Variants in NELL2 observed in about 807,000 individuals in gnomAD.
The protein encoded by NELL2 is protein kinase C-binding protein NELL2.
NELL2 carries 41 observed loss-of-function variants against 109.6 expected under a neutral mutation model. That is an observed-to-expected ratio of 0.37 (90% CI 0.29 to 0.49). The LOEUF is 0.49. NELL2 is among the 20% of genes least tolerant of loss of function. NELL2 has a pLI of 0.98. For missense variants in NELL2, 900 were observed against 1,008.3 expected, an observed-to-expected ratio of 0.89 and a Z score of 1.45; for synonymous variants, 355 against 344.7, an observed-to-expected ratio of 1.03 and a Z score of -0.33.
intron 13 of NELL2, among the ~76,000 whole-genome samples, chr12:44,644,824 T>C (rs1947032494): frequency 1.3e-5 from 2 of 151,454 alleles, no homozygotes; most frequent in African/African-American, 4.8e-5. Flanking sequence ...TGTCCACTGA[T>C]GAACAAAGCA....
rs11182581 is a variant in NELL2 at position 44,627,385 on chromosome 12, G to A, written c.1445-16415C>T. 5.6e-3 allele frequency among the ~76,000 whole-genome samples: 838 copies of A among 150,740 alleles called. 8 individuals carry two copies. Among genetic ancestry groups the A allele is most frequent in the African/African-American group, 0.02 (799 of 40,636 alleles). On this transcript the variant is annotated intron_variant, in intron 13 of 19. Transcript: ENST00000429094. ...TTGAATCAAGAATCTATTCTCATTG[G>A]TTATAAAGAGGCACAGAATACTTCA...
chr12:44,759,841 G>T (rs1941047947), intron 9 of NELL2, among the ~76,000 whole-genome samples: 1 of 152,130 alleles, frequency 6.6e-6, no homozygotes, highest in African/African-American at 2.4e-5. Context: ...ATGTATGCTT[G>T]CTGTAGGAAG....
At chr12:44,886,127 G>A (rs1319542867) in intron 1 of NELL2, among the ~76,000 whole-genome samples, 4 of 148,242 alleles carry the variant, frequency 2.7e-5, no homozygotes, top group Admixed American at 7.6e-5. Flanking sequence ...AAGGAAGGAA[G>A]GAAGGAAGGA....
At chr12:44,828,626 T>C (rs1316310184) in intron 2 of NELL2, among the ~76,000 whole-genome samples, 1 of 152,140 alleles carries the variant, frequency 6.6e-6, no homozygotes, top group Non-Finnish European at 1.5e-5. Flanking sequence ...AATAGCAGGT[T>C]CTATTCCCAG....
intron 11 of NELL2, among the ~76,000 whole-genome samples, chr12:44,704,087 G>C (rs1328859717): frequency 3.3e-5 from 5 of 151,868 alleles, no homozygotes; most frequent in Non-Finnish European, 7.4e-5. Context: ...TGTGGTTTTT[G>C]ACTTTATAAA....
Position 44,775,126 on chromosome 12 carries a change from C to T in NELL2, c.892-277G>A, listed in dbSNP as rs192100438. ...TTATTGACTTCACTATACCACATTC[C>T]GTCTTCTACTCAATTTAACCTTTGC... is the stretch of plus-strand genomic sequence containing the variant. On this transcript the variant is annotated intron_variant, in intron 8 of 19. Coordinates refer to ENST00000429094, the MANE Select transcript of NELL2 (RefSeq NM_001145108.2). 5.0e-4 allele frequency among the ~76,000 whole-genome samples: 75 copies of T among 149,896 alleles called. 1 individual carries two copies. Among genetic ancestry groups the T allele is most frequent in the East Asian group, 7.7e-4 (4 of 5,170 alleles).
chr12:44,758,546 A>G (rs1212048430), intron 9 of NELL2, among the ~76,000 whole-genome samples: 1 of 152,224 alleles, frequency 6.6e-6, no homozygotes, highest in Non-Finnish European at 1.5e-5. Flanking sequence ...TCCATGAAAG[A>G]GGGGTCAAAA....
chr12:44,896,813 G>C (rs1011765083), intron 1 of NELL2, among the ~76,000 whole-genome samples: 6 of 152,138 alleles, frequency 3.9e-5, no homozygotes, highest in Non-Finnish European at 7.3e-5. Flanking sequence ...TTTTCTCCCT[G>C]TCTAAAGAAT....
intron 15 of NELL2, among the ~76,000 whole-genome samples, chr12:44,534,076 T>G (rs1424825788): frequency 6.6e-6 from 1 of 152,102 alleles, no homozygotes; most frequent in Non-Finnish European, 1.5e-5. Context: ...GTTGACAGAA[T>G]CTACTTCCTC....
chr12:44,869,031 A>G (rs181690024), intron 2 of NELL2, among the ~76,000 whole-genome samples: 1 of 152,338 alleles, frequency 6.6e-6, no homozygotes, highest in African/African-American at 2.4e-5. Flanking sequence ...ATTTTAAGTA[A>G]CAAAACATAA....
chr12:44,541,575 T>C (rs1301746994), intron 15 of NELL2, among the ~76,000 whole-genome samples: 2 of 152,074 alleles, frequency 1.3e-5, no homozygotes, highest in Non-Finnish European at 1.5e-5. Context: ...ACCCAAAATC[T>C]TCAGCTTCTG....
chr12:44,793,156 T>C (rs533277275), intron 3 of NELL2, among the ~76,000 whole-genome samples: 1 of 152,256 alleles, frequency 6.6e-6, no homozygotes, highest in Admixed American at 6.5e-5. Flanking sequence ...CGTACATATA[T>C]AACATATGTA....
chr12:44,774,525 G>A, intron 9 of NELL2: 1 of 516,502 alleles, frequency 1.9e-6, no homozygotes, highest in East Asian at 3.4e-5. Context: ...TCACTATATG[G>A]AATAGATTAC....
At chr12:44,591,914 A>T (rs914195380) in intron 15 of NELL2, among the ~76,000 whole-genome samples, 39 of 152,180 alleles carry the variant, frequency 2.6e-4, no homozygotes, top group Admixed American at 4.6e-4. Flanking sequence ...TTAAAATTTT[A>T]AAAATTAAAG....
chr12:44,632,352 A>G (rs763201574), intron 13 of NELL2, among the ~76,000 whole-genome samples: 6 of 152,068 alleles, frequency 3.9e-5, no homozygotes, highest in African/African-American at 7.2e-5. Flanking sequence ...AAGCAATCAG[A>G]TTAGAAAAAA....
intron 2 of NELL2, among the ~76,000 whole-genome samples, chr12:44,827,396 G>C (rs1943746364): frequency 6.9e-6 from 1 of 144,368 alleles, no homozygotes; most frequent in Non-Finnish European, 1.5e-5. Flanking sequence ...TAGGTCTTCT[G>C]GTCTTCTTCT....
At chr12:44,693,250 G>A (rs1296709915) in intron 12 of NELL2, among the ~76,000 whole-genome samples, 1 of 152,138 alleles carries the variant, frequency 6.6e-6, no homozygotes, top group Non-Finnish European at 1.5e-5. Flanking sequence ...TCGGACGATT[G>A]TTAGCATTTT....
At chr12:44,587,347 A>T (rs1014573380) in intron 15 of NELL2, among the ~76,000 whole-genome samples, 4 of 144,908 alleles carry the variant, frequency 2.8e-5, no homozygotes, top group African/African-American at 1.0e-4. Context: ...ATTTGTCCCT[A>T]TTCAGAATGA....
chr12:44,697,308 C>T (rs918234013), intron 12 of NELL2, among the ~76,000 whole-genome samples: 1 of 152,154 alleles, frequency 6.6e-6, no homozygotes, highest in Admixed American at 6.5e-5. Flanking sequence ...AAGGCAGGAA[C>T]CAGCCCTGAC....
Sources: gnomAD v4.1 joint callset for allele counts (sites outside exome capture counted in the v4.1 genomes callset) on GRCh38, gnomAD v4.1.1 for gene constraint, MANE v1.5 for transcripts, NCBI Gene and HGNC (gene_info 2026-07-23, HGNC 2026-07-21) for gene names.